Variants in MTFR1 observed in about 807,000 individuals in gnomAD.
MTFR1 encodes mitochondrial fission regulator 1.
MTFR1 carries 28 observed loss-of-function variants against 38.8 expected under a neutral mutation model. The observed-to-expected ratio is 0.72, with a 90% CI of 0.53 to 0.99. The LOEUF is 0.99. MTFR1 is among the 50% of genes least tolerant of loss of function. MTFR1 has a pLI of 0.00. For synonymous variants in MTFR1, 145 were observed against 137.0 expected (o/e 1.06, Z -0.41); for missense variants, 358 against 395.5 (o/e 0.91, Z 0.81).
In MTFR1 at chr8:65,744,257, A is replaced by C. The variant is rs537644440; in HGVS notation, c.*48+24776A>C. 1.1e-3 allele frequency among the ~76,000 whole-genome samples: 173 copies of C among 152,364 alleles called. 5 individuals are homozygous for C. The South Asian group carries it at 0.035, about 31-fold the overall frequency. ...AAACAACAAAAAAAAACAGGCATGAAGGAACTTTTTTAAAAATGGAAATGG... is the reference window on the plus strand; with the variant it reads ...AAACAACAAAAAAAAACAGGCATGACGGAACTTTTTTAAAAATGGAAATGG... On this transcript the variant is annotated intron_variant, in intron 3 of 3. Transcript: ENST00000521247.
chr8:65,692,148 T>C (rs1805299467), intron 3 of MTFR1, among the ~76,000 whole-genome samples: 1 of 152,166 alleles, frequency 6.6e-6, no homozygotes, highest in Non-Finnish European at 1.5e-5. Flanking sequence ...AATTAAAAAG[T>C]GTGGATTGAT....
In MTFR1 at chr8:65,693,793, A is replaced by G. The variant is rs1374983141; in HGVS notation, c.281+34A>G. 1.5e-5 allele frequency: 22 copies of G among 1,493,292 alleles called. 1 individual carries two copies. The highest frequency in any genetic ancestry group is 6.8e-5 in the Admixed American group (4 of 58,876). 92.5% of individuals were successfully genotyped at this position (1,493,292 alleles called of 1,614,324 possible). On this transcript the variant is annotated intron_variant, in intron 4 of 7. Transcript: ENST00000262146. The stretch of plus-strand genomic sequence containing the variant: ...GGAAGGCTATCAGAACTGAGATGCA[A>G]TATCTATTTTTTTAAAGAATGATAT...
At chr8:65,723,625 TA>T in intron 3 of MTFR1, 1 of 1,539,352 alleles carries the variant, frequency 6.5e-7, no homozygotes, top group Non-Finnish European at 8.7e-7. Context: ...ATATCTCCTA[TA>T]AATTAAAAAA....
intron 3 of MTFR1, among the ~76,000 whole-genome samples, chr8:65,743,040 T>C (rs1380761173): frequency 6.6e-6 from 1 of 152,214 alleles, no homozygotes; most frequent in African/African-American, 2.4e-5. Flanking sequence ...GAGTATGTAC[T>C]TTTTAAAAAT....
intron 1 of MTFR1, among the ~76,000 whole-genome samples, chr8:65,661,407 G>C (rs894539359): frequency 1.3e-5 from 2 of 152,122 alleles, no homozygotes; most frequent in Non-Finnish European, 2.9e-5. Context: ...GGAGGCTGAG[G>C]GGGTGTATCA....
chr8:65,726,814 T>A, intron 3 of MTFR1: 1 of 858,582 alleles, frequency 1.2e-6, no homozygotes, highest in Non-Finnish European at 1.9e-6. Flanking sequence ...TTTATAAAAT[T>A]ACTTTGCCAA....
At chr8:65,748,325 A>C (rs996352947) in intron 3 of MTFR1, among the ~76,000 whole-genome samples, 1 of 152,208 alleles carries the variant, frequency 6.6e-6, no homozygotes, top group African/African-American at 2.4e-5. Context: ...AGGAGGTAGA[A>C]GGGGGAGCAA....
chr8:65,756,453 C>G (rs540776294), intron 3 of MTFR1, among the ~76,000 whole-genome samples: 1 of 152,150 alleles, frequency 6.6e-6, no homozygotes, highest in African/African-American at 2.4e-5. Flanking sequence ...TCTCTTTCTA[C>G]TCCTCAGAAT....
At chr8:65,719,164 A>G in intron 2 of MTFR1, 1 of 656,324 alleles carries the variant, frequency 1.5e-6, no homozygotes, top group Non-Finnish European at 2.7e-6. Flanking sequence ...TTGGAAATAA[A>G]TAATGCTGGC....
At chr8:65,710,978 C>CATATATATAT (rs201983025), downstream of MTFR1, among the ~76,000 whole-genome samples, 4 of 149,768 alleles carry the variant, frequency 2.7e-5, no homozygotes, top group Non-Finnish European at 4.4e-5. Context: ...GAGGGACTCT[C>CATATATATAT]ATATATATAT....
chr8:65,708,020 T>C lies in MTFR1; in HGVS notation c.933+9T>C, dbSNP rs745983071. ...CCTCAGAGAGAGTGTTGGTGAGTTATTTGCCCAGATTTCTTTCCTGTTATG... is the reference window on the plus strand; with the variant it reads ...CCTCAGAGAGAGTGTTGGTGAGTTACTTGCCCAGATTTCTTTCCTGTTATG... On this transcript the variant is annotated intron_variant, in intron 7 of 7. Transcript: ENST00000262146. The C allele has an allele frequency of 1.2e-6, 2 of 1,610,726 alleles. No homozygotes were observed. Among genetic ancestry groups the C allele is most frequent in the Non-Finnish European group, 1.7e-6 (2 of 1,179,878 alleles).
chr8:65,644,487 A>T (rs6472219), upstream of MTFR1, among the ~76,000 whole-genome samples: 70,199 of 152,132 alleles, frequency 0.46, 17,284 homozygotes, highest in Non-Finnish European at 0.55. Context: ...AAGCTGACAA[A>T]AGCACTTCCC....
At chr8:65,663,699 C>CT (rs1237343014) in intron 1 of MTFR1, among the ~76,000 whole-genome samples, 2 of 151,870 alleles carry the variant, frequency 1.3e-5, no homozygotes, top group Non-Finnish European at 2.9e-5. Flanking sequence ...CTCTTAATTA[C>CT]TTGTGGGAGT....
chr8:65,683,132 C>CTTTTTTT (rs748824241), intron 3 of MTFR1, among the ~76,000 whole-genome samples: 7 of 121,680 alleles, frequency 5.8e-5, no homozygotes, highest in African/African-American at 9.6e-5. Context: ...TTCTTTCTTT[C>CTTTTTTT]TTTTTTTTTT....
intron 5 of MTFR1, among the ~76,000 whole-genome samples, chr8:65,706,548 C>T (rs1292903103): frequency 1.3e-5 from 2 of 152,122 alleles, no homozygotes; most frequent in Non-Finnish European, 2.9e-5. Context: ...AGCCACTGAG[C>T]CCAGCCCAGT....
intron 3 of MTFR1, among the ~76,000 whole-genome samples, chr8:65,763,433 C>T (rs1158241482): frequency 1.3e-5 from 2 of 151,928 alleles, no homozygotes; most frequent in East Asian, 1.9e-4. Flanking sequence ...GGCGTGGTGG[C>T]GCAGGTCTGT....
intron 3 of MTFR1, chr8:65,734,925 T>G (rs1288342584): frequency 3.0e-6 from 4 of 1,346,480 alleles, no homozygotes; most frequent in Non-Finnish European, 4.3e-6. Context: ...CCGATTTTAT[T>G]GTATATGAGC....
At chr8:65,719,416 A>G (rs1159650920) in exon 3 of MTFR1, 5 of 1,613,950 alleles carry the variant, frequency 3.1e-6, no homozygotes, top group Non-Finnish European at 4.2e-6. Context: ...CCACGTGTCC[A>G]AGCATTGTCT....
At chr8:65,685,860 G>C (rs955190217) in intron 3 of MTFR1, among the ~76,000 whole-genome samples, 44 of 152,166 alleles carry the variant, frequency 2.9e-4, no homozygotes, top group African/African-American at 1.1e-3. Flanking sequence ...CTCTCTAAAG[G>C]AATGACAATT....
Sources: allele counts gnomAD v4.1 joint callset (sites outside exome capture counted in the v4.1 genomes callset), GRCh38; gene constraint gnomAD v4.1.1; transcripts MANE v1.5; gene names NCBI Gene and HGNC (gene_info 2026-07-23, HGNC 2026-07-21).